Variants in BAZ1A observed in about 807,000 individuals in gnomAD.
BAZ1A encodes bromodomain adjacent to zinc finger domain 1A, also known as bromodomain adjacent to zinc finger domain protein 1A.
BAZ1A carries 50 observed loss-of-function variants against 185.2 expected under a neutral mutation model. The ratio of observed to expected loss-of-function variants is 0.27; its 90% CI spans 0.22 to 0.34. BAZ1A has a LOEUF of 0.34. Among genes scored for constraint, BAZ1A ranks in the 10% least tolerant of loss-of-function variants. The pLI is 1.00. For missense variants in BAZ1A, 1,356 were observed against 1,839.9 expected (o/e 0.74, Z 4.81); for synonymous variants, 571 against 615.6 (o/e 0.93, Z 1.07).
rs566400062 is a variant in BAZ1A at position 34,762,159 on chromosome 14, A to G, written c.3841T>C (p.Ser1281Pro). The change falls in exon 24 of 27, where the codon TCT (serine) becomes CCT (proline). Residue 1281 changes from serine to proline, a missense_variant. By Grantham distance (74) the Ser-to-Pro change is moderately conservative. This residue lies in a region of BAZ1A where 309 missense variants were observed against 355.3 expected (regional missense o/e 0.87). Coordinates refer to ENST00000360310, the MANE Select transcript of BAZ1A (RefSeq NM_013448.3). Reference protein sequence around the residue: ...PVKTRGKLSSSFSSRGQQQEP... With the variant: ...PVKTRGKLSSPFSSRGQQQEP... Reference sequence around the variant, plus strand: ...TGTTGTTGGCCACGACTTGAGAAAGAAGAGCTAAGTTTCCCTCTTGTTTTA... The same window carrying G: ...TGTTGTTGGCCACGACTTGAGAAAGGAGAGCTAAGTTTCCCTCTTGTTTTA... 15 of 1,614,088 alleles carry G rather than the reference A, an allele frequency of 9.3e-6. No individual in the cohort carries two copies. Among genetic ancestry groups the G allele is most frequent in the Non-Finnish European group, 1.3e-5 (15 of 1,180,038 alleles).
intron 7 of BAZ1A, among the ~76,000 whole-genome samples, chr14:34,801,527 C>T (rs1216900355): frequency 1.3e-5 from 2 of 152,180 alleles, no homozygotes; most frequent in African/African-American, 4.8e-5. Flanking sequence ...AACTCCTGAC[C>T]TCAAGTGGGC....
Position 34,862,306 on chromosome 14 carries a change from T to A in BAZ1A, c.130A>T (p.Thr44Ser). 1 of 1,600,880 alleles carries A rather than the reference T, an allele frequency of 6.2e-7. No homozygotes were observed. Among genetic ancestry groups the A allele is most frequent in the Non-Finnish European group, 8.5e-7 (1 of 1,174,036 alleles). Residue 44 changes from threonine (T) to serine (S), a missense_variant, in exon 3 of 27, where the codon ACC becomes TCC. Around this residue, in one of 7 missense-constraint regions of BAZ1A, gnomAD observed 332 missense variants for 395.3 expected, o/e 0.84. Transcript: ENST00000360310. The part of the protein sequence containing the change: ...FRHYDDFFER[T>S]ILCNSLVWSC... ...CACACAAGGCTGTTGCACAGAATGG[T>A]TCGTTCAAAAAAGTCACTGATTAAA...
intron 6 of BAZ1A, among the ~76,000 whole-genome samples, chr14:34,806,418 T>C (rs1207933295): frequency 6.6e-6 from 1 of 152,080 alleles, no homozygotes; most frequent in Non-Finnish European, 1.5e-5. Context: ...ACGTGCCCAT[T>C]AGTTATTTTT....
At position 34,874,837 on chromosome 14, in the gene BAZ1A, G is replaced by A; in HGVS notation, c.-58-175C>T. The A allele has an allele frequency of 9.2e-6, 4 of 435,806 alleles. No individual in the cohort carries two copies. The South Asian group carries it at 1.3e-4, about 14-fold the overall frequency. The allele number at this position is 435,806 out of a possible 1,614,324, so 27.0% of individuals were successfully genotyped here. A position where few individuals can be genotyped will look rare whatever the true frequency, so the allele number is the denominator to read the frequency against. On this transcript the variant is annotated intron_variant, in intron 1 of 26. Coordinates refer to ENST00000360310, the MANE Select transcript of BAZ1A (RefSeq NM_013448.3). The surrounding 1 kb of genome is among the most constrained non-coding windows in gnomAD (Gnocchi z 4.7). ...GCCCGGGTGTCGAGCGAGCGGAGCC[G>A]CCGCCGCCCCTGCCCCCCGAGCGCG... is the stretch of plus-strand genomic sequence containing the variant.
At chr14:34,851,934 T>C (rs551050966) in intron 3 of BAZ1A, among the ~76,000 whole-genome samples, 1 of 151,048 alleles carries the variant, frequency 6.6e-6, no homozygotes, top group South Asian at 2.1e-4. Context: ...GAGATCATCC[T>C]GGCTAACATG....
At chr14:34,854,554 C>T (rs1430756693) in intron 3 of BAZ1A, among the ~76,000 whole-genome samples, 3 of 152,140 alleles carry the variant, frequency 2.0e-5, no homozygotes, top group African/African-American at 7.2e-5. Flanking sequence ...CTCAAGTCAA[C>T]GGCAGTATTA....
chr14:34,768,717 C>G (rs942388767), intron 21 of BAZ1A: 1 of 426,572 alleles, frequency 2.3e-6, no homozygotes, highest in African/African-American at 2.1e-5. Flanking sequence ...AGATCTTCCT[C>G]TCTCTTTTTC....
intron 6 of BAZ1A, among the ~76,000 whole-genome samples, chr14:34,803,745 T>G (rs964074959): frequency 1.3e-5 from 2 of 152,200 alleles, no homozygotes; most frequent in African/African-American, 4.8e-5. Flanking sequence ...CTGCTGAACA[T>G]TTATTTAGAT....
chr14:34,760,097 C>T (rs1322591931), intron 24 of BAZ1A, among the ~76,000 whole-genome samples: 1 of 152,084 alleles, frequency 6.6e-6, no homozygotes, highest in African/African-American at 2.4e-5. Context: ...TAGTATAGTC[C>T]ATATATGTAT....
At chr14:34,826,246 A>G in intron 3 of BAZ1A, 90 bp from the exon 4 acceptor site, 2 of 1,399,926 alleles carry the variant, frequency 1.4e-6, no homozygotes, top group Middle Eastern at 1.8e-4. Flanking sequence ...TGAACTAGTT[A>G]TTTTGTTTTG....
At chr14:34,770,242 C>T (rs1386556207) in intron 21 of BAZ1A, among the ~76,000 whole-genome samples, 2 of 152,158 alleles carry the variant, frequency 1.3e-5, no homozygotes, top group African/African-American at 4.8e-5. Context: ...CATCCTCTGC[C>T]TCCCAGGTTC....
chr14:34,755,567 C>T (rs1886202901), intron 25 of BAZ1A, among the ~76,000 whole-genome samples: 1 of 152,148 alleles, frequency 6.6e-6, no homozygotes, highest in Admixed American at 6.6e-5. Flanking sequence ...TCTTCAATGA[C>T]CAGTTCCAAA....
chr14:34,818,109 T>C (rs934351219), intron 4 of BAZ1A, among the ~76,000 whole-genome samples: 11 of 152,144 alleles, frequency 7.2e-5, no homozygotes, highest in Non-Finnish European at 5.9e-5. Context: ...AATAGATGAA[T>C]GGATAAACAA....
At chr14:34,856,846 C>T (rs1395483843) in intron 3 of BAZ1A, among the ~76,000 whole-genome samples, 5 of 90,304 alleles carry the variant, frequency 5.5e-5, no homozygotes, top group South Asian at 4.8e-4. Context: ...GCAGTGAGAA[C>T]GAAACTCGGT....
chr14:34,771,739 G>C (rs1879235335), intron 20 of BAZ1A, 80 bp from the exon 21 acceptor site: 2 of 1,315,972 alleles, frequency 1.5e-6, no homozygotes, highest in Admixed American at 2.1e-5. Context: ...TGGTTCAAAT[G>C]CTTATTTATA....
chr14:34,828,293 C>CAAAAAA (rs369878009), intron 3 of BAZ1A, among the ~76,000 whole-genome samples: 1 of 83,530 alleles, frequency 1.2e-5, no homozygotes, highest in Non-Finnish European at 2.2e-5. Context: ...AACTCCGTCT[C>CAAAAAA]AAAAAAAAAA....
intron 12 of BAZ1A, among the ~76,000 whole-genome samples, chr14:34,788,097 C>T (rs1436394512): frequency 6.6e-6 from 1 of 151,820 alleles, no homozygotes; most frequent in Non-Finnish European, 1.5e-5. Context: ...TGGCTCACTG[C>T]AACCTCCGCC....
rs1318578163 is a variant in BAZ1A at position 34,810,945 on chromosome 14, T to C, written c.628A>G (p.Thr210Ala). 1 of 1,602,058 alleles carries C rather than the reference T, an allele frequency of 6.2e-7. No homozygotes were observed. Among genetic ancestry groups the C allele is most frequent in the Admixed American group, 1.7e-5 (1 of 59,594 alleles). ...GATAGTGAGTTTTACCTGATTTGTG[T>C]TGCTTTAACAATAGCAGACTCATGT... ...ELHESAIVKA[T>A]QISRRKHLFS... Residue 210 changes from threonine to alanine, a missense_variant, in exon 5 of 27, where the codon ACA becomes GCA. Coordinates refer to ENST00000360310, the MANE Select transcript of BAZ1A (RefSeq NM_013448.3).
chr14:34,758,314 G>T (rs1429095779), intron 25 of BAZ1A, among the ~76,000 whole-genome samples: 1 of 147,912 alleles, frequency 6.8e-6, no homozygotes, highest in Non-Finnish European at 1.5e-5. Flanking sequence ...AGGTGTGGTG[G>T]CTCACACCTG....
Sources: allele counts gnomAD v4.1 joint callset (sites outside exome capture counted in the v4.1 genomes callset), GRCh38; gene constraint gnomAD v4.1.1; regional missense constraint gnomAD v4.1.1; non-coding constraint Gnocchi (gnomAD v3.1); transcripts MANE v1.5; gene names NCBI Gene and HGNC (gene_info 2026-07-23, HGNC 2026-07-21).